SPNS2: variants seen among roughly 807,000 people sequenced by gnomAD.
SPNS2 encodes the protein sphingosine-1-phosphate transporter SPNS2.
Under a neutral mutation model 57.6 loss-of-function variants are expected in SPNS2, and 37 were observed. The ratio of observed to expected loss-of-function variants is 0.64; its 90% CI spans 0.49 to 0.85. SPNS2 has a LOEUF of 0.85. Ranked by LOEUF, SPNS2 falls within the 40% of genes least tolerant of loss-of-function variation. SPNS2 has a pLI of 0.00. For synonymous variants in SPNS2, 440 were observed against 346.9 expected, an observed-to-expected ratio of 1.27 and a Z score of -2.98; for missense variants, 831 against 779.1, an observed-to-expected ratio of 1.07 and a Z score of -0.79.
rs769098447 is a variant in SPNS2, at chr17:4,533,859, C to T, written c.1344+6C>T. 1.9e-6 allele frequency: 3 copies of T among 1,612,424 alleles called. No individual in the cohort carries two copies. Among genetic ancestry groups the T allele is most frequent in the Non-Finnish European group, 1.7e-6 (2 of 1,179,990 alleles). ...TCACTGCAGACATCCTCATGGTGAG[C>T]CAGGCAGGCCGAGGTCACCTTGTGC... On this transcript the variant is annotated splice_donor_region_variant and intron_variant, in intron 9 of 12. Coordinates refer to ENST00000329078, the MANE Select transcript of SPNS2 (RefSeq NM_001124758.3).
chr17:4,503,277 C>T (rs1904582912), intron 1 of SPNS2, among the ~76,000 whole-genome samples: 1 of 152,208 alleles, frequency 6.6e-6, no homozygotes, highest in Non-Finnish European at 1.5e-5. Context: ...GCTCTGCTGG[C>T]TTAGGCAAGA....
chr17:4,526,596 T>G (rs954439106), intron 3 of SPNS2, among the ~76,000 whole-genome samples: 3 of 138,160 alleles, frequency 2.2e-5, no homozygotes, highest in Non-Finnish European at 4.7e-5. Flanking sequence ...AGAGCAAAAC[T>G]CCATCTCAAA....
Position 4,510,888 on chromosome 17 carries a change from G to A in SPNS2, c.371-2359G>A, listed in dbSNP as rs1183440180. Among the ~76,000 whole-genome samples the A allele has an allele frequency of 6.6e-6, 1 of 152,208 alleles. No homozygotes were observed. Among genetic ancestry groups the A allele is most frequent in the Non-Finnish European group, 1.5e-5 (1 of 68,044 alleles). On this transcript the variant is annotated intron_variant, in intron 1 of 12. Transcript: ENST00000329078. The surrounding 1 kb of genome is among the most constrained non-coding windows in gnomAD (Gnocchi z 4.4). Reference sequence around the variant, plus strand: ...GCAGAAGGCAGCGTGGCAGGAGAACGAGCTTTGGTTTTTGGCAATAGACCT... The same window carrying A: ...GCAGAAGGCAGCGTGGCAGGAGAACAAGCTTTGGTTTTTGGCAATAGACCT...
chr17:4,531,329 C>G (rs938134312), intron 5 of SPNS2, among the ~76,000 whole-genome samples: 1 of 152,164 alleles, frequency 6.6e-6, no homozygotes, highest in Non-Finnish European at 1.5e-5. Flanking sequence ...CCAGACACAG[C>G]CCCGCCGCCC....
chr17:4,512,330 C>T lies in SPNS2; in HGVS notation c.371-917C>T, dbSNP rs1597360657. ...CCCACGGGGATGGGGGTTGTGCTTA[C>T]TCAGGAGCCCTGGCTGAGTGCTGCG... On this transcript the variant is annotated intron_variant, in intron 1 of 12. Transcript: ENST00000329078. The surrounding 1 kb of genome is among the most constrained non-coding windows in gnomAD (Gnocchi z 5.2). Among the ~76,000 whole-genome samples, 2 of 152,236 alleles carry T rather than the reference C, an allele frequency of 1.3e-5. No homozygotes were observed. Among genetic ancestry groups the T allele is most frequent in the South Asian group, 4.1e-4 (2 of 4,822 alleles).
chr17:4,509,851 T>A (rs968262963), intron 1 of SPNS2, among the ~76,000 whole-genome samples: 1 of 152,202 alleles, frequency 6.6e-6, no homozygotes, highest in East Asian at 1.9e-4. Context: ...TTGGCTGGGG[T>A]CTGCATCTGG....
intron 9 of SPNS2, among the ~76,000 whole-genome samples, chr17:4,535,170 A>G (rs1212544919): frequency 6.6e-6 from 1 of 150,544 alleles, no homozygotes; most frequent in Non-Finnish European, 1.5e-5. Context: ...TCCCGCCCCC[A>G]CCCCAGCCCC....
rs1308289657 is a variant in SPNS2, at chr17:4,510,731, G to A, written c.371-2516G>A. On this transcript the variant is annotated intron_variant, in intron 1 of 12. Transcript: ENST00000329078. The surrounding 1 kb of genome is among the most constrained non-coding windows in gnomAD (Gnocchi z 4.4). ...CCAAAATCGTGACTGTCCCTGCTCT[G>A]AGTCCTGGAGATGACCGGCCACGGC... Among the ~76,000 whole-genome samples the A allele has an allele frequency of 6.6e-6, 1 of 152,124 alleles. No individual in the cohort carries two copies. Among genetic ancestry groups the A allele is most frequent in the Admixed American group, 6.5e-5 (1 of 15,280 alleles).
rs1414743148 is a variant in SPNS2, at chr17:4,538,076, C to T, written c.*628C>T. On this transcript the variant is annotated 3_prime_UTR_variant, in exon 13 of 13. Coordinates refer to ENST00000329078, the MANE Select transcript of SPNS2 (RefSeq NM_001124758.3). ...TCCCTGGAGGACACTGTCTCACTGT[C>T]TCGGGTTGGCTCCCAGCCTGGAGGT... 1 of 335,836 alleles carries T rather than the reference C, an allele frequency of 3.0e-6. No individual in the cohort carries two copies. The highest frequency in any genetic ancestry group is 5.9e-6 in the Non-Finnish European group (1 of 168,824). 20.8% of individuals were successfully genotyped at this position (335,836 alleles called of 1,614,324 possible).
chr17:4,531,826 A>C (rs1905488395), intron 5 of SPNS2, among the ~76,000 whole-genome samples: 1 of 152,082 alleles, frequency 6.6e-6, no homozygotes, highest in East Asian at 1.9e-4. Flanking sequence ...TTACCCTCCC[A>C]CCCGGAGAGA....
In SPNS2 at chr17:4,538,961, T is replaced by C. The variant is rs771205731; in HGVS notation, c.*1513T>C. 2.5e-6 allele frequency: 2 copies of C among 787,478 alleles called. No individual in the cohort carries two copies. Among genetic ancestry groups the C allele is most frequent in the Non-Finnish European group, 4.7e-6 (2 of 423,956 alleles). The allele number at this position is 787,478 out of a possible 1,614,324, so 48.8% of individuals were successfully genotyped here. A position where few individuals can be genotyped will look rare whatever the true frequency, so the allele number is the denominator to read the frequency against. On this transcript the variant is annotated 3_prime_UTR_variant, in exon 13 of 13. Coordinates refer to ENST00000329078, the MANE Select transcript of SPNS2 (RefSeq NM_001124758.3). ...TCCTTTATTTTTTAGAGCTGCTGAT[T>C]GTGAATCTCAGAGTCTTAAGAGAGA...
In SPNS2 at chr17:4,538,998, T is replaced by C. The variant is rs752986044; in HGVS notation, c.*1550T>C. On this transcript the variant is annotated 3_prime_UTR_variant, in exon 13 of 13. Transcript: ENST00000329078. ...AGTCTTAAGAGAGAAGCCAAATATA[T>C]TCCTCTTGTAAATGAAGAAATAAAC... 2.5e-6 allele frequency: 2 copies of C among 808,990 alleles called. No homozygotes were observed. The highest frequency in any genetic ancestry group is 1.3e-5 in the South Asian group (1 of 75,150). 50.1% of individuals were successfully genotyped at this position (808,990 alleles called of 1,614,324 possible). A position where few individuals can be genotyped will look rare whatever the true frequency, so the allele number is the denominator to read the frequency against.
At chr17:4,521,999 G>C (rs891945856) in intron 2 of SPNS2, among the ~76,000 whole-genome samples, 3 of 152,226 alleles carry the variant, frequency 2.0e-5, no homozygotes, top group Non-Finnish European at 4.4e-5. Context: ...AGGTGTTTGA[G>C]ACCAGCCTGG....
chr17:4,530,667 G>A lies in SPNS2; in HGVS notation c.609G>A (p.Val203=), dbSNP rs61743835. The A allele has an allele frequency of 2.5e-3, 4,047 of 1,613,632 alleles. 77 individuals carry two copies. The African/African-American group carries it at 0.048, about 19-fold the overall frequency. The change falls in exon 4 of 13, where the codon GTG becomes GTA. Residue 203 remains valine (V), a synonymous_variant. Coordinates refer to ENST00000329078, the MANE Select transcript of SPNS2 (RefSeq NM_001124758.3). ...FWLLVLSRGL[V]GIGEASYSTI... is the part of the protein sequence containing the mutation. ...TGCTGGTCCTGTCCCGGGGGCTGGT[G>A]GGCATCGGGGAGGCCAGCTACTCCA...
chr17:4,531,818 A>G (rs1949425840), intron 5 of SPNS2, among the ~76,000 whole-genome samples: 1 of 151,334 alleles, frequency 6.6e-6, no homozygotes, highest in Non-Finnish European at 1.5e-5. Flanking sequence ...CCAGGGTGTT[A>G]CCCTCCCACC....
At chr17:4,532,816 C>T (rs921182264) in intron 6 of SPNS2, 132 bp downstream of exon 6, 1 of 1,445,686 alleles carries the variant, frequency 6.9e-7, no homozygotes, top group Non-Finnish European at 9.3e-7. Flanking sequence ...CTGGGAGGGA[C>T]ATTTTGGCCC....
intron 2 of SPNS2, among the ~76,000 whole-genome samples, chr17:4,518,052 C>T (rs530668526): frequency 3.9e-5 from 6 of 152,318 alleles, no homozygotes; most frequent in Admixed American, 2.0e-4. Context: ...CTGCCTGACT[C>T]GAGTGGCCTG....
In SPNS2 at chr17:4,533,125, G is replaced by A. The variant is rs2144369347; in HGVS notation, c.1084G>A (p.Asp362Asn). The change falls in exon 7 of 13, where the codon GAC becomes AAC. Residue 362 changes from aspartate to asparagine, a missense_variant. Transcript: ENST00000329078. Reference protein sequence around the residue: ...TCNSPPCGAKDSLIFGAITCF... With the variant: ...TCNSPPCGAKNSLIFGAITCF... ...CAACAGCCCGCCCTGTGGGGCCAAG[G>A]ACAGGTGGGGCCCCGCGGGGTGGGC... The A allele has an allele frequency of 6.2e-7, 1 of 1,608,894 alleles. No homozygotes were observed. The highest frequency in any genetic ancestry group is 8.5e-7 in the Non-Finnish European group (1 of 1,177,580).
At chr17:4,530,909 G>C (rs1324645633) in intron 4 of SPNS2, 126 bp downstream of exon 4, 4 of 1,468,442 alleles carry the variant, frequency 2.7e-6, no homozygotes, top group African/African-American at 1.4e-5. Flanking sequence ...CATGTGGGCG[G>C]TCAGCCTTTG....
Sources: allele counts gnomAD v4.1 joint callset (sites outside exome capture counted in the v4.1 genomes callset), GRCh38; gene constraint gnomAD v4.1.1; non-coding constraint Gnocchi (gnomAD v3.1); transcripts MANE v1.5; gene names NCBI Gene and HGNC (gene_info 2026-07-23, HGNC 2026-07-21).